ANXA13: variants seen among roughly 807,000 people sequenced by gnomAD.
ANXA13 encodes annexin A13.
In ANXA13, 36 loss-of-function variants were observed where a neutral mutation model predicts 46.6. The observed-to-expected ratio is 0.77, with a 90% CI of 0.59 to 1.02. ANXA13 has a LOEUF of 1.02. ANXA13 is among the 50% of genes least tolerant of loss of function. The pLI is 0.00. For missense variants in ANXA13, 417 were observed against 396.5 expected (o/e 1.05, Z -0.44); for synonymous variants, 163 against 152.9 (o/e 1.07, Z -0.49).
chr8:123,736,515 T>C (rs1324256900), intron 1 of ANXA13, among the ~76,000 whole-genome samples: 4 of 152,222 alleles, frequency 2.6e-5, no homozygotes, highest in African/African-American at 7.2e-5. Context: ...GTCCATTCCA[T>C]GGATATTTGC....
chr8:123,685,541 C>T (rs748559674), intron 9 of ANXA13, among the ~76,000 whole-genome samples: 4 of 152,226 alleles, frequency 2.6e-5, no homozygotes, highest in Non-Finnish European at 5.9e-5. Context: ...CTCTAGAACA[C>T]TTGATGATGT....
In ANXA13 at chr8:123,693,711, A is replaced by G. The variant is rs550213175; in HGVS notation, c.540T>C (p.Asp180=). 3.0e-5 allele frequency: 48 copies of G among 1,613,144 alleles called. 1 individual carries two copies. In the South Asian group the frequency reaches 5.1e-4, roughly 17 times the overall value. The change falls in exon 7 of 11, where the codon GAT becomes GAC. Residue 180 remains aspartate (D), a splice_region_variant and synonymous_variant. Transcript: ENST00000419625. ...LAGQDAKDLY[D]AGEGRWGTDE... is the part of the protein sequence containing the mutation. ...GAGACTGGCATGTCTGCACACATAC[A>G]TCATACAGATCTTTGGCATCCTGAC...
At chr8:123,723,200 G>A (rs915177052) in intron 1 of ANXA13, among the ~76,000 whole-genome samples, 2 of 152,208 alleles carry the variant, frequency 1.3e-5, no homozygotes, top group Non-Finnish European at 2.9e-5. Flanking sequence ...GAGGAAAAAG[G>A]GGGAATGCTG....
intron 3 of ANXA13, among the ~76,000 whole-genome samples, chr8:123,699,074 G>C (rs954189915): frequency 6.6e-6 from 1 of 152,216 alleles, no homozygotes; most frequent in Admixed American, 6.5e-5. Context: ...TGGGAAGAAC[G>C]ACGGCCTGTA....
intron 7 of ANXA13, 30 bp from the exon 8 acceptor site, chr8:123,693,328 A>C: frequency 6.2e-7 from 1 of 1,601,196 alleles, no homozygotes; most frequent in Non-Finnish European, 8.6e-7. Flanking sequence ...CACTTTGAAA[A>C]AGGCTTTTGT....
chr8:123,684,549 A>G, intron 10 of ANXA13, 61 bp downstream of exon 10: 2 of 1,122,462 alleles, frequency 1.8e-6, no homozygotes, highest in Admixed American at 3.6e-5. Flanking sequence ...TTTGTTGATG[A>G]CATCAGTGGT....
chr8:123,709,965 G>C (rs1330491823), intron 2 of ANXA13, among the ~76,000 whole-genome samples: 1 of 151,996 alleles, frequency 6.6e-6, no homozygotes, highest in East Asian at 1.9e-4. Context: ...CACCATGTTG[G>C]CCAGGCTGGT....
intron 2 of ANXA13, among the ~76,000 whole-genome samples, chr8:123,707,743 T>C (rs1358695097): frequency 6.6e-6 from 1 of 152,048 alleles, no homozygotes; most frequent in African/African-American, 2.4e-5. Context: ...ATACCTAATG[T>C]AGATAACGGG....
chr8:123,715,218 G>A (rs1813738623), intron 1 of ANXA13, among the ~76,000 whole-genome samples: 2 of 152,174 alleles, frequency 1.3e-5, no homozygotes, highest in Non-Finnish European at 2.9e-5. Context: ...ATTTCAATAT[G>A]GTAACATCAG....
Position 123,684,598 on chromosome 8 carries a change from AGT to A in ANXA13, c.831+10_831+11del. On this transcript the variant is annotated intron_variant, in intron 10 of 10. Coordinates refer to ENST00000419625, the MANE Select transcript of ANXA13 (RefSeq NM_004306.4). ...GTTGCAGCCGCCTCTTTGGAGTCGG[AGT>A]GTGTCTTACCTCGGCCCTGGTCACG... 1 of 1,580,862 alleles carries A rather than the reference AGT, an allele frequency of 6.3e-7. No homozygotes were observed. Among genetic ancestry groups the A allele is most frequent in the Non-Finnish European group, 8.7e-7 (1 of 1,150,104 alleles).
At chr8:123,705,346 TC>T (rs1306274714) in intron 2 of ANXA13, among the ~76,000 whole-genome samples, 2 of 152,224 alleles carry the variant, frequency 1.3e-5, no homozygotes, top group Non-Finnish European at 2.9e-5. Context: ...CTTTAGTGAT[TC>T]CTCTTGACTC....
chr8:123,697,020 C>T (rs113394607), intron 4 of ANXA13, among the ~76,000 whole-genome samples: 2,826 of 152,300 alleles, frequency 0.019, 87 homozygotes, highest in African/African-American at 0.064. Flanking sequence ...AGCGATCCTC[C>T]TGCCTCAGCC....
chr8:123,686,681 A>T lies in ANXA13; in HGVS notation c.719-1959T>A, dbSNP rs149479974. Reference sequence around the variant, plus strand: ...TCAATGGGAACCTGGAGTGGGGCCCAGGAACCTGCATTGTAACAGGTGATT... The same window carrying T: ...TCAATGGGAACCTGGAGTGGGGCCCTGGAACCTGCATTGTAACAGGTGATT... On this transcript the variant is annotated intron_variant, in intron 9 of 10. Transcript: ENST00000419625. Among the ~76,000 whole-genome samples, 380 of 152,198 alleles carry T rather than the reference A, an allele frequency of 2.5e-3. 3 individuals are homozygous for T. Among genetic ancestry groups the T allele is most frequent in the Non-Finnish European group, 4.3e-3 (291 of 68,006 alleles).
rs145659066 is a variant in ANXA13, at chr8:123,693,364, G to A, written c.541-66C>T. On this transcript the variant is annotated intron_variant, in intron 7 of 10. Coordinates refer to ENST00000419625, the MANE Select transcript of ANXA13 (RefSeq NM_004306.4). The stretch of plus-strand genomic sequence containing the variant: ...GAAAAGACTGATTATGCAGTGCTGT[G>A]ACTAGGCCTCACTGACAGGAAATTA... The A allele has an allele frequency of 2.2e-6, 3 of 1,390,504 alleles. No homozygotes were observed. In the East Asian group the frequency reaches 6.9e-5, roughly 32 times the overall value. 86.1% of individuals were successfully genotyped at this position (1,390,504 alleles called of 1,614,324 possible).
At chr8:123,707,499 G>A (rs1586326123) in intron 2 of ANXA13, among the ~76,000 whole-genome samples, 1 of 152,172 alleles carries the variant, frequency 6.6e-6, no homozygotes, top group Non-Finnish European at 1.5e-5. Context: ...TATACACCAT[G>A]GAATACTATG....
intron 1 of ANXA13, chr8:123,735,794 G>A: frequency 6.2e-7 from 1 of 1,612,720 alleles, no homozygotes; most frequent in Non-Finnish European, 8.5e-7. Context: ...GTGATGGGTG[G>A]CTGAGAGGCT....
At chr8:123,736,190 T>C (rs930062080) in intron 1 of ANXA13, among the ~76,000 whole-genome samples, 1 of 152,234 alleles carries the variant, frequency 6.6e-6, no homozygotes, top group African/African-American at 2.4e-5. Flanking sequence ...CTTGAATATA[T>C]AGCGAAGGAA....
intron 9 of ANXA13, among the ~76,000 whole-genome samples, chr8:123,685,907 T>A (rs1177864617): frequency 6.6e-6 from 1 of 152,192 alleles, no homozygotes; most frequent in Non-Finnish European, 1.5e-5. Context: ...CCCAGACAAT[T>A]TGAGCTAATG....
At chr8:123,696,402 G>C (rs552133046) in intron 4 of ANXA13, among the ~76,000 whole-genome samples, 65 of 152,330 alleles carry the variant, frequency 4.3e-4, no homozygotes, top group African/African-American at 1.6e-3. Context: ...TTCAGTAACA[G>C]ACTGGCTGCG....
Sources: gnomAD v4.1 joint callset for allele counts (sites outside exome capture counted in the v4.1 genomes callset) on GRCh38, gnomAD v4.1.1 for gene constraint, MANE v1.5 for transcripts, NCBI Gene and HGNC (gene_info 2026-07-23, HGNC 2026-07-21) for gene names.